TTN: variants seen among roughly 807,000 people sequenced by gnomAD.
TTN encodes titin.
Under a neutral mutation model 3,223.0 loss-of-function variants are expected in TTN, and 1,525 were observed. The ratio of observed to expected loss-of-function variants is 0.47; its 90% CI spans 0.45 to 0.49. TTN has a LOEUF of 0.49. Ranked by LOEUF, TTN falls within the 20% of genes least tolerant of loss-of-function variation. The pLI, the probability that TTN is intolerant of heterozygous loss-of-function variation, is 0.00. For missense variants in TTN, 40,786 were observed against 43,424.0 expected, an observed-to-expected ratio of 0.94 and a Z score of 5.40; for synonymous variants, 14,094 against 15,161.0, an observed-to-expected ratio of 0.93 and a Z score of 5.17.
Position 178,728,481 on chromosome 2 carries a change from C to T in TTN, c.19426+19G>A. 1.3e-6 allele frequency: 2 copies of T among 1,594,120 alleles called. No homozygotes were observed. Among genetic ancestry groups the T allele is most frequent in the Non-Finnish European group, 8.6e-7 (1 of 1,168,202 alleles). On this transcript the variant is annotated intron_variant, in intron 66 of 362. Coordinates refer to ENST00000589042, the MANE Select transcript of TTN (RefSeq NM_001267550.2). Reference sequence around the variant, plus strand: ...ACATACTATAAATAAGGGAAGCTGACTGGGGTGAAGATACAAACCTAGCAC... The same window carrying T: ...ACATACTATAAATAAGGGAAGCTGATTGGGGTGAAGATACAAACCTAGCAC...
intron 223 of TTN, among the ~76,000 whole-genome samples, chr2:178,638,491 G>T (rs1370069895): frequency 6.7e-6 from 1 of 150,064 alleles, no homozygotes; most frequent in Non-Finnish European, 1.5e-5. Context: ...AACTATTATG[G>T]ACATTTCTAA....
At position 178,528,916 on chromosome 2, in the gene TTN, A is replaced by G. The variant is rs762372340; in HGVS notation, c.106835T>C (p.Phe35612Ser). 3.7e-6 allele frequency: 6 copies of G among 1,613,908 alleles called. No homozygotes were observed. In the African/African-American group the frequency reaches 8.0e-5, roughly 22 times the overall value. ...TTCGTTTATGCTCATCTGAGTAGAA[A>G]ATGCTTTAATCTCAGCATGAGTTCT... ...EVRTHAEIKAFSTQMSINEGQ... is the reference protein window; with the variant it reads ...EVRTHAEIKASSTQMSINEGQ... Residue 35612 changes from phenylalanine (F) to serine (S), a missense_variant, in exon 360 of 363, where the codon TTT becomes TCT. By Grantham distance (155) the Phe-to-Ser change is radical. Transcript: ENST00000589042.
At chr2:178,752,159 G>C in intron 47 of TTN, 1 of 886,572 alleles carries the variant, frequency 1.1e-6, no homozygotes, top group Non-Finnish European at 1.7e-6. Flanking sequence ...CAAATCCATA[G>C]AAAAATTCAC....
chr2:178,678,974 C>A, intron 142 of TTN, 144 bp from the exon 143 acceptor site: 1 of 702,434 alleles, frequency 1.4e-6, no homozygotes, highest in South Asian at 2.2e-5. Flanking sequence ...AGCCACAAAA[C>A]AAAGGCCAGA....
Position 178,725,547 on chromosome 2 carries a change from T to C in TTN, c.20657A>G (p.Gln6886Arg). ...CACTTCTTCCTTCTCTTTAAGCCAC[T>C]GGACAAAAATAGGCTGGGCGCCTTC... ...SIEGAQPIFV[Q>R]WLKEKEEVIR... is the part of the protein sequence containing the mutation. The change falls in exon 71 of 363, where the codon CAG becomes CGG. Residue 6886 changes from glutamine to arginine, a missense_variant. Transcript: ENST00000589042. 6.2e-7 allele frequency: 1 copy of C among 1,613,154 alleles called. No homozygotes were observed. The highest frequency in any genetic ancestry group is 8.5e-7 in the Non-Finnish European group (1 of 1,179,428).
intron 161 of TTN, 24 bp from the exon 162 acceptor site, chr2:178,667,343 C>A: frequency 6.3e-7 from 1 of 1,581,630 alleles, no homozygotes. Flanking sequence ...AGTAGGTTTA[C>A]ATTTAAAAGT....
rs1255240121 is a variant in TTN at position 178,535,299 on chromosome 2, C to T, written c.101316G>A (p.Lys33772=). 6.2e-7 allele frequency: 1 copy of T among 1,613,910 alleles called. No homozygotes were observed. Among genetic ancestry groups the T allele is most frequent in the East Asian group, 2.2e-5 (1 of 44,878 alleles). The change falls in exon 358 of 363, where the codon AAG becomes AAA. Residue 33772 remains lysine (K), a synonymous_variant. Transcript: ENST00000589042. Reference sequence around the variant, plus strand: ...TGGTTGGTTCTGAAGGCTCTGAAGGCTTGCTCAGACCAAATTTATTTTCAG... The same window carrying T: ...TGGTTGGTTCTGAAGGCTCTGAAGGTTTGCTCAGACCAAATTTATTTTCAG... ...VIAENKFGLS[K]PSEPSEPTIT...
In TTN at chr2:178,538,976, A is replaced by G. The variant is rs758494581; in HGVS notation, c.98959T>C (p.Ser32987Pro). 1.3e-4 allele frequency: 208 copies of G among 1,610,890 alleles called. No individual in the cohort carries two copies. Among genetic ancestry groups the G allele is most frequent in the Non-Finnish European group, 1.7e-4 (199 of 1,177,422 alleles). Reference sequence around the variant, plus strand: ...GGATCTTTGCAAACAACTGGTTCAGAAGCAGGGCTGGTCTCACTCAGGCCA... The same window carrying G: ...GGATCTTTGCAAACAACTGGTTCAGGAGCAGGGCTGGTCTCACTCAGGCCA... ...DVGLSETSPASEPVVCKDPFD... is the reference protein window; with the variant it reads ...DVGLSETSPAPEPVVCKDPFD... The change falls in exon 353 of 363, where the codon TCT becomes CCT. Residue 32987 changes from serine to proline, a missense_variant. Ser to Pro is a moderately conservative substitution (Grantham distance 74, BLOSUM62 -1). Coordinates refer to ENST00000589042, the MANE Select transcript of TTN (RefSeq NM_001267550.2).
In TTN at chr2:178,621,452, A is replaced by T. The variant is rs760207565; in HGVS notation, c.45349+23T>A. ...AAGTGTGAATTGTTAGAAATAAAAG[A>T]TTATTCACTGTAGTTTTCATACCAT... On this transcript the variant is annotated intron_variant, in intron 245 of 362. Transcript: ENST00000589042. The T allele has an allele frequency of 0.041, 65,643 of 1,609,920 alleles. 3,155 individuals are homozygous for T. Among genetic ancestry groups the T allele is most frequent in the Admixed American group, 0.18 (10,525 of 59,220 alleles).
Position 178,792,122 on chromosome 2 carries a change from T to C in TTN, c.1612A>G (p.Arg538Gly). 1 of 1,612,510 alleles carries C rather than the reference T, an allele frequency of 6.2e-7. No individual in the cohort carries two copies. The highest frequency in any genetic ancestry group is 8.5e-7 in the Non-Finnish European group (1 of 1,179,218). Residue 538 changes from arginine to glycine, a missense_variant, in exon 10 of 363, where the codon AGA becomes GGA. Physicochemically the swap from Arg to Gly is moderately radical, Grantham distance 125. Coordinates refer to ENST00000589042, the MANE Select transcript of TTN (RefSeq NM_001267550.2). ...SAAKAKEQET[R>G]ISEEITKKQK... is the part of the protein sequence containing the mutation. ...TTCTTAGTAATTTCTTCAGAAATTC[T>C]AGTTTCTTGTTCTTTGGCTTTAGCT...
chr2:178,716,465 C>G (rs576236010), intron 88 of TTN, among the ~76,000 whole-genome samples: 11 of 152,048 alleles, frequency 7.2e-5, no homozygotes, highest in Non-Finnish European at 1.3e-4. Context: ...CTACAAAAAC[C>G]CTTAAAAATA....
chr2:178,562,164 G>A lies in TTN; in HGVS notation c.83968C>T (p.Pro27990Ser). The part of the protein sequence containing the change: ...LKIDVPFKGR[P>S]QATVNWRKDG... The stretch of plus-strand genomic sequence containing the variant: ...TTTCTCCAGTTCACAGTAGCTTGAG[G>A]TCTTCCTTTGAATGGCACATCAATC... Residue 27990 changes from proline (P) to serine (S), a missense_variant, in exon 326 of 363, where the codon CCT becomes TCT. Physicochemically the swap from Pro to Ser is moderately conservative, Grantham distance 74 (BLOSUM62 -1). Coordinates refer to ENST00000589042, the MANE Select transcript of TTN (RefSeq NM_001267550.2). 1 of 1,613,084 alleles carries A rather than the reference G, an allele frequency of 6.2e-7. No individual in the cohort carries two copies. The highest frequency in any genetic ancestry group is 8.5e-7 in the Non-Finnish European group (1 of 1,179,522).
intron 173 of TTN, 50 bp from the exon 174 acceptor site, chr2:178,663,105 G>A (rs1344131325): frequency 1.9e-6 from 3 of 1,600,694 alleles, no homozygotes; most frequent in African/African-American, 1.3e-5. Context: ...AATGATGGAT[G>A]CCTTTTGCAT....
At position 178,549,864 on chromosome 2, in the gene TTN, G is replaced by A; in HGVS notation, c.91858C>T (p.Pro30620Ser). ...CTTATTGGCCCAACTACTTTTCCTG[G>A]TGTATCTATAAGAAAAAGTTTCTAG... ...AEIKVKVQDTPGKVVGPIRFT... is the reference protein window; with the variant it reads ...AEIKVKVQDTSGKVVGPIRFT... Residue 30620 changes from proline to serine, a missense_variant, in exon 338 of 363, where the codon CCA becomes TCA. Physicochemically the swap from Pro to Ser is moderately conservative, Grantham distance 74. Transcript: ENST00000589042. 6.4e-7 allele frequency: 1 copy of A among 1,558,138 alleles called. No homozygotes were observed. Among genetic ancestry groups the A allele is most frequent in the Non-Finnish European group, 8.7e-7 (1 of 1,154,952 alleles).
At chr2:178,723,807 T>C (rs2154303100) in intron 73 of TTN, 49 bp downstream of exon 73, 2 of 1,557,734 alleles carry the variant, frequency 1.3e-6, no homozygotes, top group Non-Finnish European at 1.7e-6. Context: ...GATGTGCACC[T>C]GAAGAGGAAT....
Position 178,764,916 on chromosome 2 carries a change from CA to C in TTN, c.9704-106del. 2 of 1,369,324 alleles carry C rather than the reference CA, an allele frequency of 1.5e-6. 1 individual carries two copies. Among genetic ancestry groups the C allele is most frequent in the South Asian group, 2.6e-5 (2 of 76,808 alleles). 84.8% of individuals were successfully genotyped at this position (1,369,324 alleles called of 1,614,324 possible). ...TGCTGGCTAGTTATACATCCAGAGA[CA>C]AAATTTTGGAATTGTGGTATTTTTA... On this transcript the variant is annotated intron_variant, in intron 41 of 362. Transcript: ENST00000589042.
rs747743986 is a variant in TTN at position 178,592,600 on chromosome 2, T to G, written c.59405A>C (p.Asp19802Ala). 5.0e-6 allele frequency: 8 copies of G among 1,613,368 alleles called. No individual in the cohort carries two copies. The South Asian group carries it at 7.7e-5, about 16-fold the overall frequency. Reference sequence around the variant, plus strand: ...GATGATGGCACTAAGTCTTAGAGTATCACCAACTTTAATGTGTTGTTCTCT... The same window carrying G: ...GATGATGGCACTAAGTCTTAGAGTAGCACCAACTTTAATGTGTTGTTCTCT... The part of the protein sequence containing the change: ...MAREQHIKVG[D>A]TLRLSAIIKG... Residue 19802 changes from aspartate to alanine, a missense_variant, in exon 301 of 363, where the codon GAT (aspartate) becomes GCT (alanine). By Grantham distance (126) the Asp-to-Ala change is moderately radical. Coordinates refer to ENST00000589042, the MANE Select transcript of TTN (RefSeq NM_001267550.2).
rs564459972 is a variant in TTN at position 178,738,727 on chromosome 2, A to G, written c.14093-367T>C. Among the ~76,000 whole-genome samples, 156 of 152,296 alleles carry G rather than the reference A, an allele frequency of 1.0e-3. 1 individual carries two copies. The highest frequency in any genetic ancestry group is 3.6e-3 in the African/African-American group (151 of 41,570). ...AATAAAGTGATGAAGTGAAACAACA[A>G]CAAAAAATAAACAGAAAAAAGAAAC... is the stretch of plus-strand genomic sequence containing the variant. On this transcript the variant is annotated intron_variant, in intron 48 of 362. Transcript: ENST00000589042.
chr2:178,745,298 G>A, intron 47 of TTN: 2 of 1,248,548 alleles, frequency 1.6e-6, no homozygotes, highest in Non-Finnish European at 2.0e-6. Context: ...AGGCATGAGG[G>A]TAAATAGAAG....
Sources: allele counts gnomAD v4.1 joint callset (sites outside exome capture counted in the v4.1 genomes callset), GRCh38; gene constraint gnomAD v4.1.1; transcripts MANE v1.5; gene names NCBI Gene and HGNC (gene_info 2026-07-23, HGNC 2026-07-21).